The following RSPH1 variants were observed in gnomAD, a reference collection of about 807,000 sequenced individuals.
RSPH1 encodes the protein radial spoke head component 1.
In RSPH1, 32 loss-of-function variants were observed where a neutral mutation model predicts 44.2. The observed-to-expected ratio is 0.72, with a 90% CI of 0.55 to 0.97. The LOEUF is 0.97. Among genes scored for constraint, RSPH1 ranks in the 50% least tolerant of loss-of-function variants. The probability of loss-of-function intolerance (pLI) is 0.00; values close to 1 mark genes in which losing one functional copy is unlikely to be tolerated. For synonymous variants in RSPH1, 134 were observed against 147.3 expected, an observed-to-expected ratio of 0.91 and a Z score of 0.65; for missense variants, 391 against 398.7, an observed-to-expected ratio of 0.98 and a Z score of 0.16.
intron 3 of RSPH1, among the ~76,000 whole-genome samples, chr21:42,491,078 T>A (rs979325897): frequency 1.3e-5 from 2 of 152,290 alleles, no homozygotes; most frequent in East Asian, 3.9e-4. Context: ...TAATATCCTT[T>A]ACAGTAAACA....
rs189439480 is a variant in RSPH1, at chr21:42,475,338, G to A, written c.877+560C>T. On this transcript the variant is annotated intron_variant, in intron 8 of 8. Transcript: ENST00000291536. ...TCCCAGCACTTTGGGAGGCCGAGGC[G>A]GGCCTCCTGTGTGAGGTCAGGAGTT... is the stretch of plus-strand genomic sequence containing the variant. 6.9e-4 allele frequency among the ~76,000 whole-genome samples: 105 copies of A among 152,188 alleles called. 1 individual carries two copies. The highest frequency in any genetic ancestry group is 6.7e-3 in the Admixed American group (103 of 15,306).
intron 8 of RSPH1, among the ~76,000 whole-genome samples, chr21:42,473,426 G>A (rs1387074373): frequency 1.3e-5 from 2 of 150,872 alleles, no homozygotes; most frequent in South Asian, 2.1e-4. Context: ...CGTGGCAGAG[G>A]TTTCAGTGAG....
chr21:42,493,213 C>A (rs2054254281), intron 1 of RSPH1, 134 bp from the exon 2 acceptor site: 2 of 760,780 alleles, frequency 2.6e-6, no homozygotes, highest in Non-Finnish European at 4.3e-6. Context: ...AATTGTCCCA[C>A]CTTTCCCACC....
intron 6 of RSPH1, among the ~76,000 whole-genome samples, chr21:42,479,005 T>C (rs1001022702): frequency 6.6e-6 from 1 of 151,768 alleles, no homozygotes; most frequent in Admixed American, 6.6e-5. Context: ...AGGTACAGAG[T>C]TTCTGTCTGG....
intron 6 of RSPH1, among the ~76,000 whole-genome samples, chr21:42,481,514 G>T (rs540617886): frequency 2.8e-4 from 43 of 152,214 alleles, no homozygotes; most frequent in South Asian, 8.3e-4. Flanking sequence ...CAGAAAGAAA[G>T]TATGCAGACA....
At chr21:42,483,554 T>C (rs984694876) in intron 5 of RSPH1, among the ~76,000 whole-genome samples, 3 of 152,166 alleles carry the variant, frequency 2.0e-5, no homozygotes, top group African/African-American at 4.8e-5. Flanking sequence ...TTTTTAGCCA[T>C]TTAAATCACA....
At chr21:42,483,719 G>A (rs958311465) in intron 5 of RSPH1, among the ~76,000 whole-genome samples, 2 of 151,786 alleles carry the variant, frequency 1.3e-5, no homozygotes, top group Admixed American at 1.3e-4. Context: ...TTTCTGTTTA[G>A]AAAGTTCTCT....
intron 4 of RSPH1, chr21:42,486,044 C>T: frequency 3.3e-6 from 2 of 597,456 alleles, no homozygotes; most frequent in Non-Finnish European, 2.9e-6. Context: ...TGTGTGTCAG[C>T]TGCTTTCCCC....
chr21:42,472,686 T>C lies in RSPH1; in HGVS notation c.*132A>G, dbSNP rs1489585795. The C allele has an allele frequency of 1.5e-6, 1 of 656,692 alleles. No homozygotes were observed. 40.7% of individuals were successfully genotyped at this position (656,692 alleles called of 1,614,324 possible). On this transcript the variant is annotated 3_prime_UTR_variant, in exon 9 of 9. Transcript: ENST00000291536. ...TGGCGCGATCTCCACTCACTGCAAC[T>C]GCCACTTTCTGGACTCAAGCAATCC...
At chr21:42,479,638 C>T (rs2054105366) in intron 6 of RSPH1, among the ~76,000 whole-genome samples, 1 of 151,974 alleles carries the variant, frequency 6.6e-6, no homozygotes, top group Non-Finnish European at 1.5e-5. Flanking sequence ...CCATGGAAAT[C>T]CCAGCAAAAT....
At chr21:42,477,735 G>T (rs924673493) in intron 6 of RSPH1, among the ~76,000 whole-genome samples, 1 of 152,244 alleles carries the variant, frequency 6.6e-6, no homozygotes, top group African/African-American at 2.4e-5. Flanking sequence ...GCATGTCGCA[G>T]TCGCCTGCAA....
At position 42,475,942 on chromosome 21, in the gene RSPH1, C is replaced by T. The variant is rs778638302; in HGVS notation, c.833G>A (p.Ser278Asn). ...GAACTCCTCCTGGTCATACTCCCGG[C>T]TCTCTTCCCGGAGGACGTCTGCATC... is the stretch of plus-strand genomic sequence containing the variant. ...DEDADVLREE[S>N]REYDQEEFRY... Residue 278 changes from serine to asparagine, a missense_variant, in exon 8 of 9, where the codon AGC becomes AAC. Physicochemically the swap from Ser to Asn is conservative, Grantham distance 46. Transcript: ENST00000291536. 3.7e-6 allele frequency: 6 copies of T among 1,612,496 alleles called. No individual in the cohort carries two copies. The highest frequency in any genetic ancestry group is 2.7e-5 in the African/African-American group (2 of 74,474).
chr21:42,494,061 T>C (rs1354465193), intron 1 of RSPH1, among the ~76,000 whole-genome samples: 4 of 152,202 alleles, frequency 2.6e-5, no homozygotes, highest in Admixed American at 6.5e-5. Flanking sequence ...GTGTCTATCT[T>C]AAAAGTAAAT....
intron 3 of RSPH1, among the ~76,000 whole-genome samples, chr21:42,488,353 C>T (rs73374131): frequency 0.056 from 8,473 of 152,120 alleles, 310 homozygotes; most frequent in East Asian, 0.14. Flanking sequence ...ACTCACACCG[C>T]GGCCAATTTC....
rs1225514732 is a variant in RSPH1, at chr21:42,477,553, G to C, written c.574-109C>G. 4.5e-5 allele frequency: 53 copies of C among 1,167,232 alleles called. No homozygotes were observed. The East Asian group carries it at 1.2e-3, about 27-fold the overall frequency. The allele number at this position is 1,167,232 out of a possible 1,614,324, so 72.3% of individuals were successfully genotyped here. A position where few individuals can be genotyped will look rare whatever the true frequency, so the allele number is the denominator to read the frequency against. Reference sequence around the variant, plus strand: ...TTTTGAAAGACAGGTTTTGGCTTGTGTTTCAGCCTTTTTAGGACGTCACTC... The same window carrying C: ...TTTTGAAAGACAGGTTTTGGCTTGTCTTTCAGCCTTTTTAGGACGTCACTC... On this transcript the variant is annotated intron_variant, in intron 6 of 8. Transcript: ENST00000291536.
rs553742981 is a variant in RSPH1, at chr21:42,474,195, G to C, written c.878-1325C>G. ...AGCTCCCAGAGGTCCCGCCTACTGG[G>C]CTCAGGATCAAGTTCAAAGGCCATC... On this transcript the variant is annotated intron_variant, in intron 8 of 8. Coordinates refer to ENST00000291536, the MANE Select transcript of RSPH1 (RefSeq NM_080860.4). This position sits in a 1 kb window ranked among gnomAD's most constrained non-coding sequence, Gnocchi z 5.2. 6.6e-6 allele frequency among the ~76,000 whole-genome samples: 1 copy of C among 152,282 alleles called. No homozygotes were observed. The highest frequency in any genetic ancestry group is 1.5e-5 in the Non-Finnish European group (1 of 68,024).
At chr21:42,484,437 TG>T (rs917718252) in intron 5 of RSPH1, among the ~76,000 whole-genome samples, 2 of 152,210 alleles carry the variant, frequency 1.3e-5, no homozygotes, top group African/African-American at 4.8e-5. Flanking sequence ...TGTATATTTT[TG>T]TATCCTGACA....
intron 6 of RSPH1, among the ~76,000 whole-genome samples, chr21:42,480,440 A>G (rs2054114113): frequency 6.6e-6 from 1 of 152,164 alleles, no homozygotes; most frequent in Non-Finnish European, 1.5e-5. Flanking sequence ...CGAAAGTTTG[A>G]GACCAGCCTG....
intron 2 of RSPH1, 47 bp from the exon 3 acceptor site, chr21:42,492,910 T>TTTAACATTCATATCA: frequency 6.3e-7 from 1 of 1,584,236 alleles, no homozygotes; most frequent in Non-Finnish European, 8.7e-7. Context: ...GAATGTAGCA[T>TTTAACATTCATATCA]TTGCTAACAG....
Sources: gnomAD v4.1 joint callset for allele counts (sites outside exome capture counted in the v4.1 genomes callset) on GRCh38, gnomAD v4.1.1 for gene constraint, Gnocchi (gnomAD v3.1) non-coding constraint, MANE v1.5 for transcripts, NCBI Gene and HGNC (gene_info 2026-07-23, HGNC 2026-07-21) for gene names.